ENOX1: variants seen among roughly 807,000 people sequenced by gnomAD.
ENOX1 encodes the protein candidate growth-related and time keeping constitutive hydroquinone (NADH) oxidase.
ENOX1 carries 42 observed loss-of-function variants against 82.5 expected under a neutral mutation model. That is an observed-to-expected ratio of 0.51 (90% confidence interval 0.40 to 0.66). The LOEUF (loss-of-function observed/expected upper bound fraction) is 0.66. Ranked by LOEUF, ENOX1 falls within the 30% of genes least tolerant of loss-of-function variation. ENOX1 has a pLI of 0.00. For synonymous variants in ENOX1, 271 were observed against 282.2 expected (o/e 0.96, Z 0.40); for missense variants, 608 against 811.6 (o/e 0.75, Z 3.05).
intron 1 of ENOX1, among the ~76,000 whole-genome samples, chr13:43,783,937 TGTGA>T (rs1952423883): frequency 6.6e-6 from 1 of 152,194 alleles, no homozygotes; most frequent in African/African-American, 2.4e-5. Flanking sequence ...TGAGCTACAG[TGTGA>T]GTATCAGGAT....
At chr13:43,233,428 A>T (rs913066629) in intron 15 of ENOX1, among the ~76,000 whole-genome samples, 15 of 152,278 alleles carry the variant, frequency 9.9e-5, no homozygotes, top group African/African-American at 3.6e-4. Context: ...AATCCCACGG[A>T]TCCTCTCTAA....
rs574586531 is a variant in ENOX1 at position 43,239,696 on chromosome 13, A to G, written c.1612-2958T>C. 2.6e-5 allele frequency among the ~76,000 whole-genome samples: 4 copies of G among 152,352 alleles called. No individual in the cohort carries two copies. In the East Asian group the frequency reaches 5.8e-4, roughly 22 times the overall value. On this transcript the variant is annotated intron_variant, in intron 14 of 16. Transcript: ENST00000690772. ...TCTTGCTGACAAAGTCACAGAGCTAATTAGATGGGTGAATGCTTATGTCAT... is the reference window on the plus strand; with the variant it reads ...TCTTGCTGACAAAGTCACAGAGCTAGTTAGATGGGTGAATGCTTATGTCAT...
intron 5 of ENOX1, among the ~76,000 whole-genome samples, chr13:43,388,944 G>A (rs1446495016): frequency 1.3e-5 from 2 of 152,154 alleles, no homozygotes; most frequent in African/African-American, 4.8e-5. Flanking sequence ...CCACTGCCAG[G>A]CTTCCATCTG....
chr13:43,283,257 G>A (rs1372795153), intron 12 of ENOX1, among the ~76,000 whole-genome samples: 2 of 151,800 alleles, frequency 1.3e-5, no homozygotes, highest in Admixed American at 6.6e-5. Context: ...TGCATCTATA[G>A]TTATACCTTA....
At chr13:43,408,525 AGGC>A (rs1196874822) in intron 5 of ENOX1, among the ~76,000 whole-genome samples, 13 of 152,308 alleles carry the variant, frequency 8.5e-5, no homozygotes, top group African/African-American at 2.6e-4. Flanking sequence ...GAAACATTAA[AGGC>A]TGCCTCTAAC....
chr13:43,594,310 G>C (rs17460637), intron 2 of ENOX1, among the ~76,000 whole-genome samples: 15,041 of 152,190 alleles, frequency 0.099, 773 homozygotes, highest in Admixed American at 0.12. Flanking sequence ...CCTGTCTGGT[G>C]TAATAGTGTG....
intron 3 of ENOX1, among the ~76,000 whole-genome samples, chr13:43,447,292 T>A (rs2056702132): frequency 6.6e-6 from 1 of 152,198 alleles, no homozygotes; most frequent in Non-Finnish European, 1.5e-5. Context: ...CTGAAATGAC[T>A]TTGTTGAGAA....
At chr13:43,604,132 T>C (rs981504101) in intron 2 of ENOX1, among the ~76,000 whole-genome samples, 2 of 151,404 alleles carry the variant, frequency 1.3e-5, no homozygotes, top group Non-Finnish European at 2.9e-5. Context: ...ACTTCTCTGA[T>C]GGCCAGTGAT....
At chr13:43,453,885 T>C (rs879756481) in intron 3 of ENOX1, among the ~76,000 whole-genome samples, 7 of 152,158 alleles carry the variant, frequency 4.6e-5, no homozygotes, top group Non-Finnish European at 8.8e-5. Context: ...TCTGTTTAGT[T>C]TAAAGAAAGA....
chr13:43,270,485 A>G (rs1256602382), intron 12 of ENOX1, among the ~76,000 whole-genome samples: 1 of 152,208 alleles, frequency 6.6e-6, no homozygotes, highest in East Asian at 1.9e-4. Flanking sequence ...ACCTGTCTCC[A>G]ATAGCCAGGC....
intron 1 of ENOX1, among the ~76,000 whole-genome samples, chr13:43,688,670 G>A (rs937303883): frequency 7.9e-5 from 12 of 152,210 alleles, no homozygotes; most frequent in Non-Finnish European, 1.0e-4. Flanking sequence ...GAGGAGTGTG[G>A]CAATCAGAAT....
intron 2 of ENOX1, among the ~76,000 whole-genome samples, chr13:43,594,456 T>G (rs1164900947): frequency 6.6e-6 from 1 of 152,240 alleles, no homozygotes; most frequent in Non-Finnish European, 1.5e-5. Flanking sequence ...ATTCTTTTGT[T>G]TACTTAGCAC....
chr13:43,436,681 T>C (rs2056051426), intron 3 of ENOX1, among the ~76,000 whole-genome samples: 1 of 152,156 alleles, frequency 6.6e-6, no homozygotes, highest in Non-Finnish European at 1.5e-5. Flanking sequence ...CTATACAGCT[T>C]GGAGTTCATA....
chr13:43,495,863 T>C (rs551161826), intron 2 of ENOX1, among the ~76,000 whole-genome samples: 1 of 152,236 alleles, frequency 6.6e-6, no homozygotes, highest in East Asian at 1.9e-4. Flanking sequence ...TTTATTTTTA[T>C]CTTTTTCTTG....
chr13:43,652,686 C>A (rs2084248976), intron 2 of ENOX1, among the ~76,000 whole-genome samples: 1 of 152,144 alleles, frequency 6.6e-6, no homozygotes, highest in Non-Finnish European at 1.5e-5. Context: ...TTGCACCCTG[C>A]AGAGAATGCT....
At chr13:43,299,614 A>G (rs551445764) in intron 11 of ENOX1, among the ~76,000 whole-genome samples, 6 of 152,280 alleles carry the variant, frequency 3.9e-5, no homozygotes, top group Middle Eastern at 6.8e-3. Flanking sequence ...CTCGATTACC[A>G]TCGGTCCATG....
At position 43,213,892 on chromosome 13, in the gene ENOX1, T is replaced by A; in HGVS notation, c.*98A>T. On this transcript the variant is annotated 3_prime_UTR_variant, in exon 17 of 17. Transcript: ENST00000690772. ...GCAGGCTTCGATGGCTCCACAAAGG[T>A]TGCGTGCTGGACCAACCCCACACCT... The A allele has an allele frequency of 7.2e-7, 1 of 1,382,348 alleles. No individual in the cohort carries two copies. Among genetic ancestry groups the A allele is most frequent in the Admixed American group, 2.2e-5 (1 of 44,494 alleles). The allele number at this position is 1,382,348 out of a possible 1,614,324, so 85.6% of individuals were successfully genotyped here.
chr13:43,751,346 T>C (rs887977060), intron 1 of ENOX1, among the ~76,000 whole-genome samples: 7 of 152,334 alleles, frequency 4.6e-5, no homozygotes, highest in Middle Eastern at 3.4e-3. Flanking sequence ...AGCACTTTAC[T>C]GCACTGGGTT....
At chr13:43,247,870 TATATA>T (rs2043205901) in intron 14 of ENOX1, among the ~76,000 whole-genome samples, 4 of 2,448 alleles carry the variant, frequency 1.6e-3, no homozygotes, top group African/African-American at 2.4e-3. Flanking sequence ...TATATATATA[TATATA>T]TATATATATT....
Sources: allele counts gnomAD v4.1 joint callset (sites outside exome capture counted in the v4.1 genomes callset), GRCh38; gene constraint gnomAD v4.1.1; transcripts MANE v1.5; gene names NCBI Gene and HGNC (gene_info 2026-07-23, HGNC 2026-07-21).